Variants in NID2 observed in about 807,000 individuals in gnomAD.
NID2 encodes the protein nidogen-2.
Under a neutral mutation model 145.4 loss-of-function variants are expected in NID2, and 83 were observed. The observed-to-expected ratio is 0.57, with a 90% CI of 0.48 to 0.69. The LOEUF is 0.69. Ranked by LOEUF, NID2 falls within the 30% of genes least tolerant of loss-of-function variation. NID2 has a pLI of 0.00. For missense variants in NID2, 1,807 were observed against 1,765.7 expected (o/e 1.02, Z -0.42); for synonymous variants, 739 against 701.3 (o/e 1.05, Z -0.85).
Position 52,068,260 on chromosome 14 carries a change from C to A in NID2, c.229-97G>T, listed in dbSNP as rs1595062310. ...GAAGGGAACTGACTTAGGCAAAAAG[C>A]CTCTCTCTCCTTCCCCACTGGCCAG... is the stretch of plus-strand genomic sequence containing the variant. On this transcript the variant is annotated intron_variant, in intron 1 of 21. Transcript: ENST00000216286. 13 of 1,205,300 alleles carry A rather than the reference C, an allele frequency of 1.1e-5. No homozygotes were observed. The South Asian group carries it at 1.7e-4, about 16-fold the overall frequency. 74.7% of individuals were successfully genotyped at this position (1,205,300 alleles called of 1,614,324 possible).
At chr14:52,057,986 T>C (rs1203184478) in intron 3 of NID2, among the ~76,000 whole-genome samples, 1 of 152,194 alleles carries the variant, frequency 6.6e-6, no homozygotes, top group Admixed American at 6.5e-5. Context: ...ACTTTGACAA[T>C]CTGAAATGTA....
intron 2 of NID2, among the ~76,000 whole-genome samples, chr14:52,065,544 T>C (rs895335065): frequency 5.9e-5 from 8 of 136,562 alleles, no homozygotes; most frequent in African/African-American, 2.0e-4. Flanking sequence ...AGGGTACATG[T>C]GCACATTGTG....
In NID2 at chr14:52,038,817, G is replaced by C. The variant is rs757234529; in HGVS notation, c.2187C>G (p.Val729=). The change falls in exon 9 of 22, where the codon GTC becomes GTG. Residue 729 remains valine (V), a synonymous_variant. Coordinates refer to ENST00000216286, the MANE Select transcript of NID2 (RefSeq NM_007361.4). Reference sequence around the variant, plus strand: ...TTTCTTCGTCATTATACAAGGCAAAGACCCGGTCCACGTTCAGCTGCTGGG... The same window carrying C: ...TTTCTTCGTCATTATACAAGGCAAACACCCGGTCCACGTTCAGCTGCTGGG... ...PTTQQLNVDR[V]FALYNDEERV... 6.2e-7 allele frequency: 1 copy of C among 1,613,808 alleles called. No homozygotes were observed. The highest frequency in any genetic ancestry group is 8.5e-7 in the Non-Finnish European group (1 of 1,179,902).
intron 10 of NID2, 89 bp from the exon 11 acceptor site, chr14:52,028,939 T>C (rs1327939001): frequency 7.5e-7 from 1 of 1,325,560 alleles, no homozygotes; most frequent in Non-Finnish European, 1.0e-6. Flanking sequence ...CTCACTAGTA[T>C]GATGCTTCAA....
intron 16 of NID2, 111 bp from the exon 17 acceptor site, chr14:52,011,794 C>G: frequency 7.7e-7 from 1 of 1,292,912 alleles, no homozygotes; most frequent in Admixed American, 1.8e-5. Flanking sequence ...CACTGTGATC[C>G]TGCAGGCAAC....
Position 52,037,167 on chromosome 14 carries a change from C to T in NID2, c.2257+1580G>A, listed in dbSNP as rs148020801. Among the ~76,000 whole-genome samples the T allele has an allele frequency of 3.3e-3, 507 of 152,288 alleles. 4 individuals carry two copies. The highest frequency in any genetic ancestry group is 0.011 in the African/African-American group (468 of 41,560). On this transcript the variant is annotated intron_variant, in intron 9 of 21. Coordinates refer to ENST00000216286, the MANE Select transcript of NID2 (RefSeq NM_007361.4). ...TGCTGTGAGGTAAAAGGTTCAACTTCATTCTTTTGTATGTGGTCACTCAGT... is the reference window on the plus strand; with the variant it reads ...TGCTGTGAGGTAAAAGGTTCAACTTTATTCTTTTGTATGTGGTCACTCAGT...
chr14:52,041,239 GATAAGT>G (rs1892269187), intron 7 of NID2, among the ~76,000 whole-genome samples: 1 of 152,142 alleles, frequency 6.6e-6, no homozygotes. Flanking sequence ...TTGAATTTCA[GATAAGT>G]ATGTCTCATG....
chr14:52,014,086 C>T (rs146942773), intron 16 of NID2: 2 of 668,928 alleles, frequency 3.0e-6, no homozygotes, highest in East Asian at 2.7e-5. Flanking sequence ...AGAGCACAGC[C>T]TTGGTCAGTG....
At chr14:52,040,583 G>T in intron 8 of NID2, 68 bp downstream of exon 8, 2 of 1,361,360 alleles carry the variant, frequency 1.5e-6, no homozygotes, top group South Asian at 1.2e-5. Flanking sequence ...AGTCATTTAA[G>T]CCTTGTATCT....
In NID2 at chr14:52,028,730, G is replaced by A; in HGVS notation, c.2522C>T (p.Thr841Ile). 1 of 1,611,544 alleles carries A rather than the reference G, an allele frequency of 6.2e-7. No homozygotes were observed. The highest frequency in any genetic ancestry group is 1.3e-5 in the African/African-American group (1 of 74,892). ...ATGATTTTGGAACTCACAGATGCAAGTATGCCGGTCATCTGCAAACTCATA... is the reference window on the plus strand; with the variant it reads ...ATGATTTTGGAACTCACAGATGCAAATATGCCGGTCATCTGCAAACTCATA... ...SGYEFADDRH[T>I]CILITPPANP... Residue 841 changes from threonine (T) to isoleucine (I), a missense_variant, in exon 11 of 22, where the codon ACT (threonine) becomes ATT (isoleucine). Coordinates refer to ENST00000216286, the MANE Select transcript of NID2 (RefSeq NM_007361.4).
chr14:52,018,366 C>T (rs564618869), intron 14 of NID2, among the ~76,000 whole-genome samples: 1 of 152,202 alleles, frequency 6.6e-6, no homozygotes, highest in African/African-American at 2.4e-5. Context: ...AATAATTCAA[C>T]AAGGAACAGA....
chr14:52,036,627 C>T (rs531358743), intron 9 of NID2, among the ~76,000 whole-genome samples: 7 of 152,294 alleles, frequency 4.6e-5, no homozygotes, highest in Middle Eastern at 3.4e-3. Context: ...ACACCAGCAA[C>T]GTATGAGGGT....
At chr14:52,035,929 G>A (rs1480062910) in intron 9 of NID2, among the ~76,000 whole-genome samples, 3 of 130,064 alleles carry the variant, frequency 2.3e-5, no homozygotes, top group Non-Finnish European at 3.3e-5. Context: ...GGCTGGTCTT[G>A]AACTCCTGAC....
rs185439249 is a variant in NID2 at position 52,057,574 on chromosome 14, G to A, written c.767+2550C>T. On this transcript the variant is annotated intron_variant, in intron 3 of 21. Coordinates refer to ENST00000216286, the MANE Select transcript of NID2 (RefSeq NM_007361.4). ...AAAAATTAGCCGGGTGTGGTGGTGG[G>A]CGCCTGTAATCCCAGCTACTGGGAG... Among the ~76,000 whole-genome samples, 133 of 151,294 alleles carry A rather than the reference G, an allele frequency of 8.8e-4. 2 individuals carry two copies. The highest frequency in any genetic ancestry group is 1.8e-4 in the Non-Finnish European group (12 of 67,738).
intron 5 of NID2, among the ~76,000 whole-genome samples, chr14:52,053,092 C>T (rs1892728043): frequency 6.6e-6 from 1 of 152,202 alleles, no homozygotes; most frequent in Non-Finnish European, 1.5e-5. Flanking sequence ...TCCTCTCCCA[C>T]ACATCACAAG....
chr14:52,025,311 C>T (rs1891552418), intron 12 of NID2, among the ~76,000 whole-genome samples: 1 of 152,180 alleles, frequency 6.6e-6, no homozygotes, highest in South Asian at 2.1e-4. Flanking sequence ...GATGGAGCTC[C>T]TGGCTGGTTA....
rs763713485 is a variant in NID2 at position 52,038,854 on chromosome 14, G to T, written c.2150C>A (p.Ser717Tyr). The change falls in exon 9 of 22, where the codon TCC becomes TAC. Residue 717 changes from serine to tyrosine, a missense_variant. Transcript: ENST00000216286. ...QVCRHAPRHP[S>Y]FPTTQQLNVD... ...GTTCAGCTGCTGGGTGGTGGGGAAG[G>T]ACGGGTGTCTGGGGGCGTGCCTGCA... is the stretch of plus-strand genomic sequence containing the variant. 1.2e-6 allele frequency: 2 copies of T among 1,614,136 alleles called. No individual in the cohort carries two copies. Among genetic ancestry groups the T allele is most frequent in the East Asian group, 2.2e-5 (1 of 44,886 alleles).
chr14:52,017,804 C>T (rs542580410), intron 14 of NID2, among the ~76,000 whole-genome samples: 5 of 152,086 alleles, frequency 3.3e-5, no homozygotes, highest in African/African-American at 7.2e-5. Flanking sequence ...ATCTGAGAAC[C>T]GCCAAGACCT....
intron 19 of NID2, 28 bp from the exon 20 acceptor site, chr14:52,006,688 T>TC: frequency 6.2e-7 from 1 of 1,611,696 alleles, no homozygotes; most frequent in South Asian, 1.1e-5. Context: ...GAAAATGAGG[T>TC]CCTTCAGCTG....
Sources: allele counts gnomAD v4.1 joint callset (sites outside exome capture counted in the v4.1 genomes callset), GRCh38; gene constraint gnomAD v4.1.1; transcripts MANE v1.5; gene names NCBI Gene and HGNC (gene_info 2026-07-23, HGNC 2026-07-21).